The following HTT variants were observed in gnomAD, a reference collection of about 807,000 sequenced individuals.
The protein encoded by HTT is huntington disease protein.
In HTT, 104 loss-of-function variants were observed where a neutral mutation model predicts 362.3. The ratio of observed to expected loss-of-function variants is 0.29; its 90% confidence interval spans 0.24 to 0.34. The LOEUF is 0.34. Ranked by LOEUF, HTT falls within the 10% of genes least tolerant of loss-of-function variation. The pLI, the probability that HTT is intolerant of heterozygous loss-of-function variation, is 1.00. For missense variants in HTT, 3,301 were observed against 3,928.6 expected (o/e 0.84, Z 4.27); for synonymous variants, 1,577 against 1,548.7 (o/e 1.02, Z -0.43).
At chr4:3,239,263 G>A (rs533063599) in intron 66 of HTT, among the ~76,000 whole-genome samples, 4 of 152,286 alleles carry the variant, frequency 2.6e-5, no homozygotes, top group African/African-American at 9.6e-5. Flanking sequence ...GGTGGGCGGT[G>A]GTCTCTGCAG....
At chr4:3,089,024 T>A (rs1007189670) in intron 2 of HTT, among the ~76,000 whole-genome samples, 7 of 152,210 alleles carry the variant, frequency 4.6e-5, no homozygotes, top group Admixed American at 2.0e-4. Context: ...AAAAAAGGTT[T>A]GAATTCTATC....
intron 1 of HTT, among the ~76,000 whole-genome samples, chr4:3,077,681 G>A (rs1410960744): frequency 6.6e-6 from 1 of 152,172 alleles, no homozygotes; most frequent in Non-Finnish European, 1.5e-5. Flanking sequence ...GCCTCCCAAA[G>A]TGCTGGGATT....
chr4:3,077,576 T>C (rs1443306737), intron 1 of HTT, among the ~76,000 whole-genome samples: 4 of 152,050 alleles, frequency 2.6e-5, no homozygotes, highest in African/African-American at 4.8e-5. Flanking sequence ...CCCACCACCA[T>C]GTCCAGCTAA....
chr4:3,093,294 G>C (rs1713616886), intron 2 of HTT, among the ~76,000 whole-genome samples: 1 of 152,152 alleles, frequency 6.6e-6, no homozygotes, highest in Non-Finnish European at 1.5e-5. Context: ...AGAGCAGGTA[G>C]GGTACTCAGA....
At chr4:3,110,567 A>T (rs928655896) in intron 6 of HTT, among the ~76,000 whole-genome samples, 9 of 152,222 alleles carry the variant, frequency 5.9e-5, no homozygotes, top group Admixed American at 4.6e-4. Flanking sequence ...GAGAAGATGA[A>T]TGGGAGGGAA....
At chr4:3,113,919 C>T (rs553025807) in intron 6 of HTT, among the ~76,000 whole-genome samples, 3 of 151,978 alleles carry the variant, frequency 2.0e-5, no homozygotes, top group South Asian at 2.1e-4. Flanking sequence ...GTCGGGGAGA[C>T]CCTAACCCAG....
At chr4:3,096,665 A>ATGTTT (rs1382929779) in intron 2 of HTT, among the ~76,000 whole-genome samples, 8 of 152,236 alleles carry the variant, frequency 5.3e-5, no homozygotes, top group African/African-American at 1.4e-4. Flanking sequence ...GGATTGACTG[A>ATGTTT]TATAAAAACA....
chr4:3,104,740 C>G (rs1714340138), intron 4 of HTT, among the ~76,000 whole-genome samples: 3 of 152,038 alleles, frequency 2.0e-5, no homozygotes, highest in Admixed American at 1.3e-4. Flanking sequence ...TGGCAAAACG[C>G]TGTCTGTACA....
chr4:3,228,694 A>G lies in HTT; in HGVS notation c.7928A>G (p.Glu2643Gly), dbSNP rs1256429059. ...EEEWDEEEEE[E>G]ADAPAPSSPP... ...GAATGGGACGAGGAAGAGGAGGAGG[A>G]GGCCGACGCCCCTGCACCTTCGTCA... The change falls in exon 58 of 67, where the codon GAG becomes GGG. Residue 2643 changes from glutamate (E) to glycine (G), a missense_variant. By Grantham distance (98) the Glu-to-Gly change is moderately conservative. This residue lies in a region of HTT where 753 missense variants were observed against 1,021.3 expected (regional missense o/e 0.74). Coordinates refer to ENST00000355072, the MANE Select transcript of HTT (RefSeq NM_001388492.1). This position sits in a 1 kb window ranked among gnomAD's most constrained non-coding sequence, Gnocchi z 4.3. The G allele has an allele frequency of 6.3e-7, 1 of 1,583,774 alleles. No individual in the cohort carries two copies. Among genetic ancestry groups the G allele is most frequent in the Non-Finnish European group, 8.7e-7 (1 of 1,153,930 alleles).
intron 61 of HTT, 120 bp from the exon 62 acceptor site, chr4:3,235,164 C>T (rs558590286): frequency 1.6e-4 from 111 of 713,748 alleles, no homozygotes; most frequent in South Asian, 4.9e-4. Context: ...TCAGGGTAGG[C>T]GCTCCCGGGA....
chr4:3,154,630 T>C (rs79980254), intron 27 of HTT, among the ~76,000 whole-genome samples: 4,708 of 152,378 alleles, frequency 0.031, 197 homozygotes, highest in African/African-American at 0.096. Flanking sequence ...TAAGTGCCAC[T>C]GGCTGACATG....
intron 16 of HTT, 83 bp from the exon 17 acceptor site, chr4:3,132,478 CT>C: frequency 1.7e-6 from 2 of 1,189,822 alleles, no homozygotes; most frequent in Non-Finnish European, 2.4e-6. Context: ...CTCTTTTTCT[CT>C]TTCCTGAGAA....
intron 3 of HTT, among the ~76,000 whole-genome samples, chr4:3,099,705 T>G (rs1714053942): frequency 6.7e-6 from 1 of 150,302 alleles, no homozygotes; most frequent in Non-Finnish European, 1.5e-5. Context: ...CTTGTATGGT[T>G]TGCAGGTGCT....
intron 1 of HTT, 21 bp from the exon 2 acceptor site, chr4:3,086,918 C>T: frequency 7.0e-7 from 1 of 1,420,590 alleles, no homozygotes; most frequent in South Asian, 1.2e-5. Flanking sequence ...ATATTAATTT[C>T]CTTCTTTTTT....
chr4:3,113,068 G>T, intron 6 of HTT: 1 of 947,958 alleles, frequency 1.1e-6, no homozygotes, highest in African/African-American at 1.8e-5. Flanking sequence ...TTGTGCATGT[G>T]TTGAAAAGTG....
At chr4:3,096,525 C>A (rs1331156018) in intron 2 of HTT, among the ~76,000 whole-genome samples, 2 of 152,120 alleles carry the variant, frequency 1.3e-5, no homozygotes, top group Non-Finnish European at 2.9e-5. Flanking sequence ...TGTTTTCTGA[C>A]CTCAGTATCA....
intron 40 of HTT, among the ~76,000 whole-genome samples, chr4:3,198,658 T>C (rs1051166370): frequency 1.1e-4 from 16 of 152,258 alleles, no homozygotes; most frequent in African/African-American, 3.6e-4. Context: ...CTGCTGGGCT[T>C]TGCAGCCTGT....
At chr4:3,182,684 G>C (rs1225072893) in intron 37 of HTT, among the ~76,000 whole-genome samples, 2 of 152,148 alleles carry the variant, frequency 1.3e-5, no homozygotes, top group Non-Finnish European at 2.9e-5. Context: ...GGATCCCACA[G>C]CTCCGAGAGG....
chr4:3,225,117 G>A (rs930024732), intron 56 of HTT, among the ~76,000 whole-genome samples: 5 of 151,630 alleles, frequency 3.3e-5, no homozygotes, highest in African/African-American at 1.2e-4. Flanking sequence ...TTGGGGGGAT[G>A]CCCAGCAGAA....
Sources: gnomAD v4.1 joint callset for allele counts (sites outside exome capture counted in the v4.1 genomes callset) on GRCh38, gnomAD v4.1.1 for gene constraint, gnomAD v4.1.1 regional missense constraint, Gnocchi (gnomAD v3.1) non-coding constraint, MANE v1.5 for transcripts, NCBI Gene and HGNC (gene_info 2026-07-23, HGNC 2026-07-21) for gene names.